Variants in RABEP1 observed in about 807,000 individuals in gnomAD.
The protein encoded by RABEP1 is rabaptin, RAB GTPase binding effector protein 1.
In RABEP1, 51 loss-of-function variants were observed where a neutral mutation model predicts 123.4. The ratio of observed to expected loss-of-function variants is 0.41; its 90% CI spans 0.33 to 0.52. The LOEUF (loss-of-function observed/expected upper bound fraction) is 0.52. Among genes scored for constraint, RABEP1 ranks in the 20% least tolerant of loss-of-function variants. The pLI, the probability that RABEP1 is intolerant of heterozygous loss-of-function variation, is 0.16. For missense variants in RABEP1, 888 were observed against 996.3 expected (o/e 0.89, Z 1.46); for synonymous variants, 347 against 355.2 (o/e 0.98, Z 0.26).
intron 1 of RABEP1, among the ~76,000 whole-genome samples, chr17:5,296,835 C>A (rs1021386776): frequency 6.6e-6 from 1 of 152,084 alleles, no homozygotes; most frequent in African/African-American, 2.4e-5. Flanking sequence ...TAGCCTTGAC[C>A]CCGTGGGGTC....
chr17:5,306,146 G>C (rs1444263219), intron 1 of RABEP1, among the ~76,000 whole-genome samples: 1 of 152,156 alleles, frequency 6.6e-6, no homozygotes, highest in African/African-American at 2.4e-5. Context: ...GAACATCATA[G>C]CTTAGCCTAG....
chr17:5,350,746 G>A, intron 7 of RABEP1, 117 bp downstream of exon 7: 1 of 1,102,030 alleles, frequency 9.1e-7, no homozygotes, highest in South Asian at 1.5e-5. Flanking sequence ...TGATAAAGGT[G>A]ATATGTGCCA....
At chr17:5,322,044 C>G (rs937607936) in intron 2 of RABEP1, among the ~76,000 whole-genome samples, 1 of 152,158 alleles carries the variant, frequency 6.6e-6, no homozygotes, top group Non-Finnish European at 1.5e-5. Flanking sequence ...ACTAGAAATA[C>G]AAAAAACTAG....
At chr17:5,366,169 A>G (rs1909982843) in intron 11 of RABEP1, among the ~76,000 whole-genome samples, 1 of 152,154 alleles carries the variant, frequency 6.6e-6, no homozygotes, top group Non-Finnish European at 1.5e-5. Flanking sequence ...TTTTAATTAT[A>G]GCCATTTCGG....
rs185047882 is a variant in RABEP1, at chr17:5,341,125, C to G, written c.648+2987C>G. ...AAAAATGAAAACAAAAATGAGAAAT[C>G]AGAAGTGAGTCCGAGTGTAGAGGCT... On this transcript the variant is annotated intron_variant, in intron 5 of 17. Transcript: ENST00000537505. Among the ~76,000 whole-genome samples the G allele has an allele frequency of 2.0e-3, 297 of 151,578 alleles. 2 individuals are homozygous for G. The highest frequency in any genetic ancestry group is 3.7e-3 in the Admixed American group (57 of 15,236).
At chr17:5,346,262 A>G (rs1908052516) in intron 5 of RABEP1, among the ~76,000 whole-genome samples, 1 of 152,216 alleles carries the variant, frequency 6.6e-6, no homozygotes, top group Non-Finnish European at 1.5e-5. Context: ...GTGTGAGACT[A>G]GTTATTTGTT....
chr17:5,318,065 A>C (rs146326235), intron 2 of RABEP1, among the ~76,000 whole-genome samples: 179 of 152,342 alleles, frequency 1.2e-3, no homozygotes, highest in African/African-American at 3.9e-3. Flanking sequence ...AATAGTCTTT[A>C]TAATAAACTG....
intron 9 of RABEP1, 133 bp from the exon 10 acceptor site, chr17:5,362,779 T>C (rs1329510990): frequency 4.8e-6 from 3 of 624,262 alleles, no homozygotes; most frequent in Non-Finnish European, 8.6e-6. Context: ...TTGTAACTTT[T>C]TGCCGTAAGG....
chr17:5,375,531 A>C (rs1224246248), intron 13 of RABEP1, among the ~76,000 whole-genome samples: 1 of 151,934 alleles, frequency 6.6e-6, no homozygotes, highest in Non-Finnish European at 1.5e-5. Context: ...GATGCTACTG[A>C]AACAAACAAA....
chr17:5,286,980 A>G (rs1475043477), intron 1 of RABEP1, among the ~76,000 whole-genome samples: 1 of 152,168 alleles, frequency 6.6e-6, no homozygotes, highest in Non-Finnish European at 1.5e-5. Flanking sequence ...TATCTGGTGG[A>G]AGGGTGTTCT....
intron 2 of RABEP1, among the ~76,000 whole-genome samples, chr17:5,309,412 G>A (rs1053515532): frequency 6.6e-6 from 1 of 152,144 alleles, no homozygotes; most frequent in Non-Finnish European, 1.5e-5. Flanking sequence ...CACTTTGGGA[G>A]GCCAACGGGC....
At chr17:5,373,961 A>G (rs1347006767) in intron 13 of RABEP1, among the ~76,000 whole-genome samples, 1 of 152,022 alleles carries the variant, frequency 6.6e-6, no homozygotes, top group African/African-American at 2.4e-5. Flanking sequence ...GTGTGCCAGA[A>G]ATTAAATGTT....
chr17:5,307,964 A>G (rs1402095436), intron 1 of RABEP1, among the ~76,000 whole-genome samples: 2 of 152,196 alleles, frequency 1.3e-5, no homozygotes, highest in African/African-American at 4.8e-5. Context: ...TGGCTACACT[A>G]GTTAGGGAAC....
At position 5,373,440 on chromosome 17, in the gene RABEP1, C is replaced by A. The variant is rs1256968590; in HGVS notation, c.2011C>A (p.Pro671Thr). 3 of 1,610,180 alleles carry A rather than the reference C, an allele frequency of 1.9e-6. No homozygotes were observed. Among genetic ancestry groups the A allele is most frequent in the Admixed American group, 1.7e-5 (1 of 59,134 alleles). Residue 671 changes from proline to threonine, a missense_variant, in exon 13 of 18, where the codon CCA becomes ACA. Physicochemically the swap from Pro to Thr is conservative, Grantham distance 38. Transcript: ENST00000537505. ...SLQQAEDFIL[P>T]DTTEALRELV... ...ACAGCAAGCAGAAGACTTCATCCTC[C>A]CAGACACTACAGAGGTAACTTACTT...
intron 2 of RABEP1, among the ~76,000 whole-genome samples, chr17:5,317,488 C>T (rs2075309537): frequency 6.6e-6 from 1 of 152,134 alleles, no homozygotes; most frequent in Admixed American, 6.5e-5. Context: ...GACCAAATGC[C>T]TTTCCCCTAA....
chr17:5,383,503 CT>C lies in RABEP1; in HGVS notation c.*282del. On this transcript the variant is annotated 3_prime_UTR_variant, in exon 18 of 18. Transcript: ENST00000537505. ...TTGGTGATGGAAAAAGCGCTGTTTC[CT>C]TGCCTGCTTTCTCCAAGACAGATTT... The C allele has an allele frequency of 2.6e-6, 1 of 388,814 alleles. No individual in the cohort carries two copies. The highest frequency in any genetic ancestry group is 4.7e-6 in the Non-Finnish European group (1 of 211,182). The allele number at this position is 388,814 out of a possible 1,614,324, so 24.1% of individuals were successfully genotyped here. A position where few individuals can be genotyped will look rare whatever the true frequency, so the allele number is the denominator to read the frequency against.
At chr17:5,311,697 CAAAAA>C (rs35876639) in intron 2 of RABEP1, among the ~76,000 whole-genome samples, 17 of 70,880 alleles carry the variant, frequency 2.4e-4, no homozygotes, top group South Asian at 7.8e-4. Context: ...GACTTCATCT[CAAAAA>C]AAAAAAAAAA....
In RABEP1 at chr17:5,383,214, T is replaced by C. The variant is rs943377713; in HGVS notation, c.2580T>C (p.Pro860=). Reference sequence around the variant, plus strand: ...AACTGACAGACATTAACCAGCTTCCTGAGACATGACACCCTCATGGCAGGA... The same window carrying C: ...AACTGACAGACATTAACCAGCTTCCCGAGACATGACACCCTCATGGCAGGA... ...DTKLTDINQL[P]ET The change falls in exon 18 of 18, where the codon CCT becomes CCC. Residue 860 remains proline, a synonymous_variant. Coordinates refer to ENST00000537505, the MANE Select transcript of RABEP1 (RefSeq NM_004703.6). The C allele has an allele frequency of 1.2e-5, 19 of 1,613,978 alleles. No individual in the cohort carries two copies. The highest frequency in any genetic ancestry group is 1.6e-5 in the Non-Finnish European group (19 of 1,179,868).
At chr17:5,345,062 C>T (rs577268271) in intron 5 of RABEP1, among the ~76,000 whole-genome samples, 1 of 152,318 alleles carries the variant, frequency 6.6e-6, no homozygotes, top group African/African-American at 2.4e-5. Flanking sequence ...AGATAGTCAA[C>T]ATTCAACCAC....
Sources: gnomAD v4.1 joint callset for allele counts (sites outside exome capture counted in the v4.1 genomes callset) on GRCh38, gnomAD v4.1.1 for gene constraint, MANE v1.5 for transcripts, NCBI Gene and HGNC (gene_info 2026-07-23, HGNC 2026-07-21) for gene names.